SPRED2: variants seen among roughly 807,000 people sequenced by gnomAD.
SPRED2 encodes sprouty-related, EVH1 domain-containing protein 2.
In SPRED2, 47 loss-of-function variants were observed where a neutral mutation model predicts 43.0. The ratio of observed to expected loss-of-function variants is 1.09; its 90% CI spans 0.87 to 1.40. The LOEUF is 1.40. Ranked by LOEUF, SPRED2 falls within the 40% of genes most tolerant of loss-of-function variation. SPRED2 has a pLI of 0.00. For missense variants in SPRED2, 561 were observed against 586.4 expected (o/e 0.96, Z 0.45); for synonymous variants, 225 against 225.7 (o/e 1.00, Z 0.03).
At chr2:65,392,796 A>G (rs1444966721) in intron 1 of SPRED2, among the ~76,000 whole-genome samples, 2 of 152,210 alleles carry the variant, frequency 1.3e-5, no homozygotes, top group Non-Finnish European at 2.9e-5. Context: ...ATTAATCAGA[A>G]CATGCCAGGG....
chr2:65,334,361 GT>G, intron 3 of SPRED2: 1 of 603,720 alleles, frequency 1.7e-6, no homozygotes. Context: ...GAACCTGCCT[GT>G]TTTTTCACAG....
chr2:65,311,396 A>G lies in SPRED2; in HGVS notation c.*2105T>C. On this transcript the variant is annotated 3_prime_UTR_variant, in exon 6 of 6. Transcript: ENST00000356388. The stretch of plus-strand genomic sequence containing the variant: ...GGAAAAGGACAAGGGGTGAAAGAAG[A>G]GAGAAACAGGTAACAACTAAATAGA... 6.1e-6 allele frequency: 6 copies of G among 985,934 alleles called. No homozygotes were observed. Among genetic ancestry groups the G allele is most frequent in the Non-Finnish European group, 7.2e-6 (6 of 829,952 alleles). The allele number at this position is 985,934 out of a possible 1,614,324, so 61.1% of individuals were successfully genotyped here. A position where few individuals can be genotyped will look rare whatever the true frequency, so the allele number is the denominator to read the frequency against.
intron 1 of SPRED2, among the ~76,000 whole-genome samples, chr2:65,376,930 G>A (rs1675254655): frequency 1.3e-5 from 2 of 152,106 alleles, no homozygotes; most frequent in African/African-American, 4.8e-5. Flanking sequence ...TAGCCAGGAT[G>A]GTCTCGATCT....
At chr2:65,363,047 T>C (rs1009363539) in intron 1 of SPRED2, among the ~76,000 whole-genome samples, 16 of 133,770 alleles carry the variant, frequency 1.2e-4, no homozygotes, top group African/African-American at 4.5e-4. Flanking sequence ...TTGAGACCAG[T>C]CTGACCAAAG....
intron 1 of SPRED2, among the ~76,000 whole-genome samples, chr2:65,388,653 C>T (rs958823855): frequency 1.1e-4 from 17 of 152,028 alleles, no homozygotes; most frequent in African/African-American, 3.9e-4. Context: ...TCTTCCAGGG[C>T]AGACAAAGGA....
At chr2:65,308,278 G>C, downstream of SPRED2, 1 of 982,938 alleles carries the variant, frequency 1.0e-6, no homozygotes, top group Non-Finnish European at 1.2e-6. Context: ...GCAGGACCCT[G>C]CCCTCTCGGC....
rs1673060962 is a variant in SPRED2, at chr2:65,311,290, T to A, written c.*2211A>T. On this transcript the variant is annotated 3_prime_UTR_variant, in exon 6 of 6. Coordinates refer to ENST00000356388, the MANE Select transcript of SPRED2 (RefSeq NM_181784.3). ...ATTTACATAAATGTCCCCATGGCTG[T>A]CTTTGTGCCCTTAACCGATGCCTTC... 1 of 985,904 alleles carries A rather than the reference T, an allele frequency of 1.0e-6. No individual in the cohort carries two copies. The highest frequency in any genetic ancestry group is 1.2e-6 in the Non-Finnish European group (1 of 829,950). The allele number at this position is 985,904 out of a possible 1,614,324, so 61.1% of individuals were successfully genotyped here.
chr2:65,393,381 G>T (rs1243552826), intron 1 of SPRED2, among the ~76,000 whole-genome samples: 2 of 150,262 alleles, frequency 1.3e-5, no homozygotes, highest in African/African-American at 2.5e-5. Flanking sequence ...TCCCAGGCTG[G>T]AGTGCAGTGG....
intron 4 of SPRED2, 93 bp downstream of exon 4, chr2:65,331,894 C>T: frequency 1.1e-6 from 1 of 931,058 alleles, no homozygotes; most frequent in East Asian, 2.5e-5. Context: ...ACAGCAAACA[C>T]TGCATTGCAA....
intron 1 of SPRED2, among the ~76,000 whole-genome samples, chr2:65,382,179 A>G (rs1016228220): frequency 6.6e-6 from 1 of 152,204 alleles, no homozygotes; most frequent in Non-Finnish European, 1.5e-5. Context: ...AAACAAGAAA[A>G]TAAAATAAAA....
intron 1 of SPRED2, chr2:65,377,526 CA>C: frequency 2.1e-6 from 1 of 467,124 alleles, no homozygotes; most frequent in African/African-American, 2.0e-5. Flanking sequence ...GAAATTCTAA[CA>C]GTGTTCGGTC....
intron 1 of SPRED2, among the ~76,000 whole-genome samples, chr2:65,359,700 C>T (rs890623812): frequency 2.6e-5 from 4 of 152,046 alleles, no homozygotes; most frequent in Admixed American, 6.5e-5. Context: ...GAGGCTGAGG[C>T]GGGTGGATCA....
chr2:65,317,729 G>GT (rs1230849904), intron 4 of SPRED2, among the ~76,000 whole-genome samples: 1 of 152,072 alleles, frequency 6.6e-6, no homozygotes, highest in African/African-American at 2.4e-5. Flanking sequence ...GCTGGCTGGC[G>GT]TATCTTGAGT....
chr2:65,375,758 T>A (rs1204708115), intron 1 of SPRED2, among the ~76,000 whole-genome samples: 1 of 152,256 alleles, frequency 6.6e-6, no homozygotes, highest in East Asian at 1.9e-4. Flanking sequence ...ACAAGGTTCA[T>A]TCTCACGGTT....
chr2:65,410,506 T>A (rs1676129799), intron 1 of SPRED2, among the ~76,000 whole-genome samples: 1 of 152,158 alleles, frequency 6.6e-6, no homozygotes, highest in South Asian at 2.1e-4. Context: ...AGGCCTGTAA[T>A]CCCAGCACTT....
chr2:65,403,910 A>C (rs774443818), intron 1 of SPRED2, among the ~76,000 whole-genome samples: 1 of 152,198 alleles, frequency 6.6e-6, no homozygotes, highest in Non-Finnish European at 1.5e-5. Context: ...GTTTCCTAAA[A>C]AGGAACATTT....
chr2:65,348,321 T>C (rs1177295129), intron 1 of SPRED2, among the ~76,000 whole-genome samples: 1 of 152,204 alleles, frequency 6.6e-6, no homozygotes, highest in African/African-American at 2.4e-5. Flanking sequence ...TGGCTTTCTA[T>C]ATGCTACTAA....
chr2:65,324,474 C>T (rs1673543659), intron 4 of SPRED2, among the ~76,000 whole-genome samples: 1 of 152,168 alleles, frequency 6.6e-6, no homozygotes, highest in South Asian at 2.1e-4. Flanking sequence ...ACGAGACTAA[C>T]AGGGCAACAC....
At chr2:65,392,721 T>C (rs1033210544) in intron 1 of SPRED2, among the ~76,000 whole-genome samples, 1 of 152,202 alleles carries the variant, frequency 6.6e-6, no homozygotes, top group African/African-American at 2.4e-5. Flanking sequence ...AACTAGGGAT[T>C]TGCATGAGAC....
Sources: gnomAD v4.1 joint callset for allele counts (sites outside exome capture counted in the v4.1 genomes callset) on GRCh38, gnomAD v4.1.1 for gene constraint, MANE v1.5 for transcripts, NCBI Gene and HGNC (gene_info 2026-07-23, HGNC 2026-07-21) for gene names.